The following TBC1D12 variants were observed in gnomAD, a reference collection of about 807,000 sequenced individuals.
The protein encoded by TBC1D12 is TBC1 domain family member 12.
A neutral mutation model predicts 86.7 loss-of-function variants in TBC1D12; 56 were observed. The ratio of observed to expected loss-of-function variants is 0.65; its 90% confidence interval spans 0.52 to 0.81. The LOEUF (loss-of-function observed/expected upper bound fraction) is 0.81, where lower values mean the gene tolerates loss of function less well. TBC1D12 is among the 30% of genes least tolerant of loss of function. TBC1D12 has a pLI of 0.00. For synonymous variants in TBC1D12, 421 were observed against 411.7 expected (o/e 1.02, Z -0.27); for missense variants, 1,023 against 1,038.8 (o/e 0.98, Z 0.21).
At chr10:94,478,152 T>TA (rs2056021037) in intron 3 of TBC1D12, among the ~76,000 whole-genome samples, 1 of 152,132 alleles carries the variant, frequency 6.6e-6, no homozygotes, top group African/African-American at 2.4e-5. Context: ...CACATACCTG[T>TA]AGTCCTAGCC....
At chr10:94,480,035 T>C (rs2056053108) in intron 3 of TBC1D12, among the ~76,000 whole-genome samples, 1 of 152,160 alleles carries the variant, frequency 6.6e-6, no homozygotes, top group Admixed American at 6.5e-5. Flanking sequence ...GAGCTAAAAC[T>C]CCACTAATCG....
In TBC1D12 at chr10:94,473,353, TC is replaced by T. The variant is rs899507443; in HGVS notation, c.1096-1313del. 2.0e-4 allele frequency among the ~76,000 whole-genome samples: 28 copies of T among 138,824 alleles called. 1 individual carries two copies. The highest frequency in any genetic ancestry group is 2.3e-4 in the Admixed American group (3 of 13,266). 91.1% of individuals were successfully genotyped at this position (138,824 alleles called of 152,430 possible). A position where few individuals can be genotyped will look rare whatever the true frequency, so the allele number is the denominator to read the frequency against. On this transcript the variant is annotated intron_variant, in intron 2 of 12. Coordinates refer to ENST00000225235, the MANE Select transcript of TBC1D12 (RefSeq NM_015188.2). ...CCAGCCTGGGCAACAAGAGCATAAC[TC>T]CATCTCAAAAAAAAAAAAGAAGAAA...
chr10:94,423,342 CTTTTTT>C (rs71486719), intron 1 of TBC1D12, among the ~76,000 whole-genome samples: 1 of 94,250 alleles, frequency 1.1e-5, no homozygotes, highest in Non-Finnish European at 1.9e-5. Flanking sequence ...CATTCACCAT[CTTTTTT>C]TTTTTTTTTT....
intron 6 of TBC1D12, among the ~76,000 whole-genome samples, chr10:94,500,778 G>A (rs1042775810): frequency 7.9e-5 from 12 of 152,062 alleles, no homozygotes; most frequent in Non-Finnish European, 4.4e-5. Flanking sequence ...AGTTTAGGCC[G>A]GGCGCAGTGG....
intron 1 of TBC1D12, among the ~76,000 whole-genome samples, chr10:94,407,873 G>A (rs2054878665): frequency 6.6e-6 from 1 of 152,002 alleles, no homozygotes; most frequent in South Asian, 2.1e-4. Flanking sequence ...GGCTGAAACA[G>A]GAGGATTGCC....
At chr10:94,434,669 G>T (rs923756787) in intron 1 of TBC1D12, among the ~76,000 whole-genome samples, 1 of 152,024 alleles carries the variant, frequency 6.6e-6, no homozygotes, top group African/African-American at 2.4e-5. Flanking sequence ...CCTTTGGGAG[G>T]CCGAGGCGGG....
intron 3 of TBC1D12, among the ~76,000 whole-genome samples, chr10:94,491,116 C>T (rs2056239488): frequency 6.6e-6 from 1 of 151,964 alleles, no homozygotes; most frequent in Non-Finnish European, 1.5e-5. Flanking sequence ...TTAAAGATCA[C>T]TTTCTTGTGC....
intron 11 of TBC1D12, among the ~76,000 whole-genome samples, chr10:94,528,585 G>C (rs1214865061): frequency 6.6e-6 from 1 of 152,074 alleles, no homozygotes; most frequent in Non-Finnish European, 1.5e-5. Flanking sequence ...ACTTTGGGAG[G>C]CCGAGGCGGG....
At chr10:94,437,401 C>T (rs556902784) in intron 1 of TBC1D12, among the ~76,000 whole-genome samples, 2 of 152,086 alleles carry the variant, frequency 1.3e-5, no homozygotes, top group Admixed American at 6.5e-5. Flanking sequence ...TCTTGGCTCA[C>T]TGCGAGCTCC....
intron 1 of TBC1D12, among the ~76,000 whole-genome samples, chr10:94,431,161 T>C (rs1319477562): frequency 6.6e-6 from 1 of 152,098 alleles, no homozygotes; most frequent in East Asian, 1.9e-4. Flanking sequence ...ACTCCTGTAA[T>C]CCCAGCACTT....
intron 4 of TBC1D12, among the ~76,000 whole-genome samples, chr10:94,494,155 G>A (rs541353383): frequency 1.0e-3 from 156 of 152,028 alleles, no homozygotes; most frequent in African/African-American, 3.4e-3. Context: ...ATAAATTTAC[G>A]TATTCATTCA....
chr10:94,497,226 T>C, intron 5 of TBC1D12, 54 bp downstream of exon 5: 1 of 1,067,734 alleles, frequency 9.4e-7, no homozygotes, highest in Non-Finnish European at 1.3e-6. Flanking sequence ...ATCTCATGTT[T>C]CTTTTTTTTT....
chr10:94,403,307 G>A lies in TBC1D12; in HGVS notation c.694G>A (p.Asp232Asn). The stretch of plus-strand genomic sequence containing the variant: ...CGCCAGCAGCTGCAGCAGTAGCGAG[G>A]ACTCAGAGCAGCGGGGAGTCGGCGC... ...SPASSCSSSE[D>N]SEQRGVGAGG... Residue 232 changes from aspartate (D) to asparagine (N), a missense_variant, in exon 1 of 13, where the codon GAC becomes AAC. Physicochemically the swap from Asp to Asn is conservative, Grantham distance 23 (BLOSUM62 1). Around this residue, in one of 2 missense-constraint regions of TBC1D12, gnomAD observed 628 missense variants for 531.1 expected, o/e 1.18. Coordinates refer to ENST00000225235, the MANE Select transcript of TBC1D12 (RefSeq NM_015188.2). 1 of 1,512,540 alleles carries A rather than the reference G, an allele frequency of 6.6e-7. No homozygotes were observed. Among genetic ancestry groups the A allele is most frequent in the Non-Finnish European group, 8.8e-7 (1 of 1,131,484 alleles). 93.7% of individuals were successfully genotyped at this position (1,512,540 alleles called of 1,614,324 possible). A position where few individuals can be genotyped will look rare whatever the true frequency, so the allele number is the denominator to read the frequency against.
At chr10:94,529,261 G>A (rs1842368248) in intron 11 of TBC1D12, among the ~76,000 whole-genome samples, 1 of 152,078 alleles carries the variant, frequency 6.6e-6, no homozygotes, top group South Asian at 2.1e-4. Flanking sequence ...TCCCACATTG[G>A]CCTCCCAAAG....
intron 9 of TBC1D12, among the ~76,000 whole-genome samples, chr10:94,514,776 A>G (rs1408487479): frequency 6.6e-6 from 1 of 152,160 alleles, no homozygotes. Context: ...CTTTTGGGTA[A>G]TAGCCAGAAG....
At chr10:94,455,031 T>C (rs2055607297) in intron 2 of TBC1D12, among the ~76,000 whole-genome samples, 1 of 152,184 alleles carries the variant, frequency 6.6e-6, no homozygotes, top group Non-Finnish European at 1.5e-5. Flanking sequence ...TAGATGTTCT[T>C]TATCAAGTTG....
At chr10:94,520,290 C>T (rs1013663084) in intron 9 of TBC1D12, among the ~76,000 whole-genome samples, 2 of 151,832 alleles carry the variant, frequency 1.3e-5, no homozygotes, top group East Asian at 2.0e-4. Context: ...CAGTGGCTCA[C>T]GCCTGTAATC....
intron 2 of TBC1D12, among the ~76,000 whole-genome samples, chr10:94,446,682 G>A (rs1032093663): frequency 5.9e-5 from 9 of 152,088 alleles, no homozygotes; most frequent in Non-Finnish European, 1.3e-4. Context: ...ACACCACTGT[G>A]TCCTGCAGAG....
intron 1 of TBC1D12, among the ~76,000 whole-genome samples, chr10:94,407,675 C>A (rs76714869): frequency 8.7e-4 from 121 of 138,392 alleles, no homozygotes; most frequent in African/African-American, 9.0e-4. Context: ...GATTCCGTCT[C>A]AAAAAAAAAA....
Sources: gnomAD v4.1 joint callset for allele counts (sites outside exome capture counted in the v4.1 genomes callset) on GRCh38, gnomAD v4.1.1 for gene constraint, gnomAD v4.1.1 regional missense constraint, MANE v1.5 for transcripts, NCBI Gene and HGNC (gene_info 2026-07-23, HGNC 2026-07-21) for gene names.